SDK2: variants seen among roughly 807,000 people sequenced by gnomAD.
SDK2 encodes protein sidekick-2.
A neutral mutation model predicts 253.9 loss-of-function variants in SDK2; 105 were observed. The ratio of observed to expected loss-of-function variants is 0.41; its 90% confidence interval spans 0.35 to 0.49. SDK2 has a LOEUF of 0.49. Ranked by LOEUF, SDK2 falls within the 20% of genes least tolerant of loss-of-function variation. The pLI is 0.06. For missense variants in SDK2, 2,608 were observed against 3,003.0 expected (o/e 0.87, Z 3.07); for synonymous variants, 1,249 against 1,234.9 (o/e 1.01, Z -0.24).
At chr17:73,512,511 C>A (rs993937805) in intron 1 of SDK2, among the ~76,000 whole-genome samples, 2 of 151,792 alleles carry the variant, frequency 1.3e-5, no homozygotes, top group East Asian at 3.9e-4. Flanking sequence ...ATAAAGATGT[C>A]ATTCTCTTAA....
intron 1 of SDK2, among the ~76,000 whole-genome samples, chr17:73,526,120 C>T (rs1052682578): frequency 1.3e-5 from 2 of 152,206 alleles, no homozygotes; most frequent in South Asian, 2.1e-4. Flanking sequence ...CTAAATGGCA[C>T]AAGCCAGGTG....
chr17:73,634,795 T>C (rs1411127803), intron 1 of SDK2, among the ~76,000 whole-genome samples: 1 of 152,194 alleles, frequency 6.6e-6, no homozygotes, highest in Admixed American at 6.5e-5. Context: ...TCAGTGTTTA[T>C]GATACATACA....
intron 1 of SDK2, among the ~76,000 whole-genome samples, chr17:73,525,068 C>A (rs2101224): frequency 0.68 from 103,826 of 152,142 alleles, 35,804 homozygotes; most frequent in East Asian, 0.8. Flanking sequence ...CTTCTTTGGG[C>A]CTCATTCCCT....
Position 73,399,203 on chromosome 17 carries a change from T to C in SDK2, c.3058A>G (p.Lys1020Glu), listed in dbSNP as rs755261238. ...TLQFRPGYDG[K>E]TSISRWLVEA... ...ACCAGCCAGCGGGAGATGGAGGTTT[T>C]CCCATCGTAGCCTGGCCTGAACTGC... The change falls in exon 22 of 45, where the codon AAA (lysine) becomes GAA (glutamate). Residue 1020 changes from lysine (K) to glutamate (E), a missense_variant. Physicochemically the swap from Lys to Glu is moderately conservative, Grantham distance 56. This residue lies in a region of SDK2 where 1,505 missense variants were observed against 1,859.1 expected (regional missense o/e 0.81). Transcript: ENST00000392650. 3 of 1,613,920 alleles carry C rather than the reference T, an allele frequency of 1.9e-6. No homozygotes were observed. The highest frequency in any genetic ancestry group is 1.7e-6 in the Non-Finnish European group (2 of 1,179,874).
chr17:73,547,470 C>T (rs1397639084), intron 1 of SDK2, among the ~76,000 whole-genome samples: 2 of 152,202 alleles, frequency 1.3e-5, no homozygotes, highest in African/African-American at 2.4e-5. Flanking sequence ...GCTGCATGTA[C>T]GTTGCCAGCT....
intron 18 of SDK2, among the ~76,000 whole-genome samples, chr17:73,408,508 G>A (rs2063099779): frequency 1.3e-5 from 2 of 152,284 alleles, no homozygotes; most frequent in South Asian, 2.1e-4. Flanking sequence ...ACAGGCGTGA[G>A]CCATCACACC....
At chr17:73,390,261 C>A (rs779184179) in intron 29 of SDK2, 26 bp downstream of exon 29, 55 of 1,530,364 alleles carry the variant, frequency 3.6e-5, no homozygotes, top group Non-Finnish European at 4.8e-5. Context: ...GCCCCCAAGC[C>A]TTCCCTGGCC....
intron 1 of SDK2, among the ~76,000 whole-genome samples, chr17:73,579,202 C>A (rs1224022216): frequency 1.3e-5 from 2 of 152,202 alleles, no homozygotes; most frequent in Non-Finnish European, 2.9e-5. Flanking sequence ...TCTCACTCAT[C>A]CTCCGCAGTC....
At chr17:73,625,461 GGA>G (rs1470741774) in intron 1 of SDK2, among the ~76,000 whole-genome samples, 1 of 152,162 alleles carries the variant, frequency 6.6e-6, no homozygotes, top group African/African-American at 2.4e-5. Context: ...ACTGAGGCCT[GGA>G]GAGGGGAGGG....
intron 1 of SDK2, among the ~76,000 whole-genome samples, chr17:73,545,471 T>C (rs1334094467): frequency 3.3e-5 from 5 of 151,942 alleles, no homozygotes; most frequent in African/African-American, 1.2e-4. Context: ...ATGAGGGGGT[T>C]GAGGGGAAAT....
At chr17:73,585,465 T>C (rs994227656) in intron 1 of SDK2, among the ~76,000 whole-genome samples, 2 of 152,218 alleles carry the variant, frequency 1.3e-5, no homozygotes, top group Non-Finnish European at 2.9e-5. Context: ...CTTCCCCAGA[T>C]ACTCTGTTCG....
chr17:73,428,421 C>CCAGGCCCTCACCCCTGCACCTGCT (rs1183833471), intron 12 of SDK2, among the ~76,000 whole-genome samples: 15 of 152,054 alleles, frequency 9.9e-5, no homozygotes, highest in African/African-American at 2.7e-4. Context: ...CTGCACCCGC[C>CCAGGCCCTCACCCCTGCACCTGCT]CAGGCCCTCA....
Position 73,422,270 on chromosome 17 carries a change from A to C in SDK2, c.2045+17T>G. On this transcript the variant is annotated intron_variant, in intron 15 of 44. Transcript: ENST00000392650. ...TGGAGTCCTGGCGACGCCCCTGTAG[A>C]GCGCCAGTGCCCTCACCTCTCGGTG... The C allele has an allele frequency of 6.2e-7, 1 of 1,610,602 alleles. No homozygotes were observed. The highest frequency in any genetic ancestry group is 8.5e-7 in the Non-Finnish European group (1 of 1,179,114).
rs370248334 is a variant in SDK2, at chr17:73,361,923, C to T, written c.5306-78G>A. On this transcript the variant is annotated intron_variant, in intron 38 of 44. Coordinates refer to ENST00000392650, the MANE Select transcript of SDK2 (RefSeq NM_001144952.2). This position sits in a 1 kb window ranked among gnomAD's most constrained non-coding sequence, Gnocchi z 4.1. ...GGAGGCCATGGGGAAGGGGAAGCGG[C>T]CGTGGCCTGGGCCCCGGGACCCTGG... 1.0e-5 allele frequency: 15 copies of T among 1,442,256 alleles called. No homozygotes were observed. The highest frequency in any genetic ancestry group is 1.0e-4 in the East Asian group (4 of 39,714). 89.3% of individuals were successfully genotyped at this position (1,442,256 alleles called of 1,614,324 possible). A position where few individuals can be genotyped will look rare whatever the true frequency, so the allele number is the denominator to read the frequency against.
intron 42 of SDK2, 110 bp from the exon 43 acceptor site, chr17:73,350,485 A>G: frequency 6.9e-7 from 1 of 1,455,198 alleles, no homozygotes; most frequent in Non-Finnish European, 9.2e-7. Flanking sequence ...AGTTGAGACC[A>G]AAATAAGAGA....
At chr17:73,501,518 T>C (rs1345102734) in intron 2 of SDK2, among the ~76,000 whole-genome samples, 1 of 152,218 alleles carries the variant, frequency 6.6e-6, no homozygotes, top group Non-Finnish European at 1.5e-5. Flanking sequence ...TTTGTTTCCT[T>C]GCTGTGCTCC....
intron 40 of SDK2, among the ~76,000 whole-genome samples, chr17:73,355,174 A>ATTTTT (rs770032791): frequency 3.2e-4 from 15 of 47,214 alleles, no homozygotes; most frequent in African/African-American, 2.1e-3. Flanking sequence ...ATATATATAT[A>ATTTTT]TTTTTTTTTT....
intron 1 of SDK2, among the ~76,000 whole-genome samples, chr17:73,589,759 T>A (rs927936764): frequency 6.6e-6 from 1 of 152,148 alleles, no homozygotes; most frequent in African/African-American, 2.4e-5. Context: ...ATAAGCCTCA[T>A]CCCCAGGCAG....
Position 73,348,628 on chromosome 17 carries a change from C to T in SDK2, c.6136G>A (p.Glu2046Lys). ...GAGTCGGAGATTTCTGAGGGCTTCT[C>T]CGTCAGGCTGCTGCTCTCTGCAGGG... ...LIPAESSSLT[E>K]KPSEISDSQG... Residue 2046 changes from glutamate to lysine, a missense_variant, in exon 44 of 45, where the codon GAG becomes AAG. Coordinates refer to ENST00000392650, the MANE Select transcript of SDK2 (RefSeq NM_001144952.2). The T allele has an allele frequency of 1.9e-6, 3 of 1,613,132 alleles. No individual in the cohort carries two copies. Among genetic ancestry groups the T allele is most frequent in the Non-Finnish European group, 2.5e-6 (3 of 1,179,784 alleles).
Sources: gnomAD v4.1 joint callset for allele counts (sites outside exome capture counted in the v4.1 genomes callset) on GRCh38, gnomAD v4.1.1 for gene constraint, gnomAD v4.1.1 regional missense constraint, Gnocchi (gnomAD v3.1) non-coding constraint, MANE v1.5 for transcripts, NCBI Gene and HGNC (gene_info 2026-07-23, HGNC 2026-07-21) for gene names.